FHIT: variants seen among roughly 807,000 people sequenced by gnomAD.
The protein encoded by FHIT is bis(5'-adenosyl)-triphosphatase.
Under a neutral mutation model 17.9 loss-of-function variants are expected in FHIT, and 19 were observed. That is an observed-to-expected ratio of 1.06 (90% CI 0.74 to 1.56). The LOEUF (loss-of-function observed/expected upper bound fraction) is 1.56, where lower values mean the gene tolerates loss of function less well. Among genes scored for constraint, FHIT ranks in the 40% most tolerant of loss-of-function variants. The pLI, the probability that FHIT is intolerant of heterozygous loss-of-function variation, is 0.00. For missense variants in FHIT, 248 were observed against 189.2 expected, an observed-to-expected ratio of 1.31 and a Z score of -1.82; for synonymous variants, 81 against 69.7, an observed-to-expected ratio of 1.16 and a Z score of -0.81.
chr3:60,787,039 G>A (rs983054253), intron 4 of FHIT, among the ~76,000 whole-genome samples: 3 of 150,978 alleles, frequency 2.0e-5, no homozygotes, highest in Admixed American at 6.6e-5. Context: ...TTGGCCAGGA[G>A]AAAGGGTGTC....
chr3:60,797,613 A>G (rs1701029919), intron 4 of FHIT, among the ~76,000 whole-genome samples: 1 of 151,236 alleles, frequency 6.6e-6, no homozygotes, highest in Non-Finnish European at 1.5e-5. Flanking sequence ...TAACTTAGGC[A>G]TATTTTGCAT....
intron 4 of FHIT, among the ~76,000 whole-genome samples, chr3:60,594,031 G>T (rs570459605): frequency 6.6e-6 from 1 of 152,112 alleles, no homozygotes; most frequent in African/African-American, 2.4e-5. Context: ...CCAGAGCTGC[G>T]TTGAGAACTA....
At chr3:60,649,683 TTAA>T (rs782655181) in intron 4 of FHIT, among the ~76,000 whole-genome samples, 1 of 152,188 alleles carries the variant, frequency 6.6e-6, no homozygotes, top group Non-Finnish European at 1.5e-5. Context: ...ATCCTGCATA[TTAA>T]TCAAGCTTAT....
intron 3 of FHIT, among the ~76,000 whole-genome samples, chr3:61,025,410 G>A (rs1370499877): frequency 1.3e-5 from 2 of 152,188 alleles, no homozygotes; most frequent in African/African-American, 2.4e-5. Context: ...CACGGGCAAT[G>A]TCTCCAAAGT....
At chr3:60,934,605 GTAC>G (rs1319400874) in intron 3 of FHIT, among the ~76,000 whole-genome samples, 11 of 152,290 alleles carry the variant, frequency 7.2e-5, no homozygotes, top group African/African-American at 2.6e-4. Context: ...ATTCTCAAAA[GTAC>G]TTTATGAGGT....
chr3:60,877,450 C>G (rs1004327879), intron 3 of FHIT, among the ~76,000 whole-genome samples: 3 of 152,194 alleles, frequency 2.0e-5, no homozygotes, highest in Non-Finnish European at 4.4e-5. Context: ...GGAAACAGTG[C>G]TTTGGCAGAA....
chr3:60,697,411 T>C (rs1314625335), intron 4 of FHIT, among the ~76,000 whole-genome samples: 6 of 152,302 alleles, frequency 3.9e-5, no homozygotes, highest in Middle Eastern at 3.4e-3. Flanking sequence ...ACATGTCATA[T>C]GCACTTTTCC....
chr3:60,278,595 T>C lies in FHIT; in HGVS notation c.103+258265A>G, dbSNP rs116875269. On this transcript the variant is annotated intron_variant, in intron 5 of 9. Coordinates refer to ENST00000492590, the MANE Select transcript of FHIT (RefSeq NM_002012.4). The stretch of plus-strand genomic sequence containing the variant: ...CAGACTCTATTGAATAAGGAGCTCT[T>C]AGGAAAGCCCAAAGACAACAGGGAA... Among the ~76,000 whole-genome samples, 64 of 152,102 alleles carry C rather than the reference T, an allele frequency of 4.2e-4. 1 individual carries two copies. The East Asian group carries it at 0.012, about 28-fold the overall frequency.
chr3:59,962,551 A>G (rs1707736371), intron 7 of FHIT, among the ~76,000 whole-genome samples: 1 of 152,176 alleles, frequency 6.6e-6, no homozygotes, highest in Admixed American at 6.5e-5. Context: ...ATAAATTATT[A>G]TTGTCCTAAG....
intron 4 of FHIT, among the ~76,000 whole-genome samples, chr3:60,758,396 T>C (rs782290642): frequency 6.6e-6 from 1 of 152,236 alleles, no homozygotes; most frequent in Non-Finnish European, 1.5e-5. Context: ...GGCTGACTGA[T>C]ACAGGAAGAG....
intron 5 of FHIT, among the ~76,000 whole-genome samples, chr3:60,307,579 C>T (rs1708735519): frequency 6.6e-6 from 1 of 152,122 alleles, no homozygotes; most frequent in South Asian, 2.1e-4. Flanking sequence ...CTACAAATAT[C>T]ATGGATCTGT....
At chr3:60,538,385 A>T (rs2036063624) in intron 4 of FHIT, among the ~76,000 whole-genome samples, 1 of 152,218 alleles carries the variant, frequency 6.6e-6, no homozygotes, top group African/African-American at 2.4e-5. Flanking sequence ...TATAGATTCA[A>T]TGCCATCCCC....
intron 2 of FHIT, among the ~76,000 whole-genome samples, chr3:61,059,700 A>G (rs940267299): frequency 1.3e-5 from 2 of 152,196 alleles, no homozygotes; most frequent in African/African-American, 4.8e-5. Context: ...CAGGCCATCA[A>G]GGGCAGGGAA....
intron 4 of FHIT, among the ~76,000 whole-genome samples, chr3:60,686,874 C>A (rs782449677): frequency 2.0e-5 from 3 of 152,176 alleles, no homozygotes; most frequent in Non-Finnish European, 4.4e-5. Flanking sequence ...AGAAATTTAA[C>A]CTATACTACT....
chr3:60,154,528 G>A (rs1313134618), intron 5 of FHIT, among the ~76,000 whole-genome samples: 4 of 152,112 alleles, frequency 2.6e-5, no homozygotes, highest in Admixed American at 1.3e-4. Flanking sequence ...GAGGTATATT[G>A]CCAACAAATC....
intron 5 of FHIT, among the ~76,000 whole-genome samples, chr3:60,303,175 T>C (rs953597293): frequency 6.6e-6 from 1 of 152,162 alleles, no homozygotes; most frequent in Non-Finnish European, 1.5e-5. Context: ...CAAATTGATA[T>C]GCAAGCCTGT....
intron 4 of FHIT, among the ~76,000 whole-genome samples, chr3:60,636,089 G>C (rs2077099): frequency 0.5 from 75,002 of 150,098 alleles, 18,802 homozygotes; most frequent in East Asian, 0.65. Flanking sequence ...TTTTGAGACA[G>C]AGTCTTGCTC....
chr3:60,282,167 C>G (rs2107649630), intron 5 of FHIT, among the ~76,000 whole-genome samples: 1 of 152,286 alleles, frequency 6.6e-6, no homozygotes, highest in Middle Eastern at 3.4e-3. Context: ...AGCATTTACT[C>G]AACTGAGTTG....
intron 3 of FHIT, among the ~76,000 whole-genome samples, chr3:60,884,892 C>G (rs1358038300): frequency 7.8e-6 from 1 of 128,896 alleles, no homozygotes; most frequent in African/African-American, 3.1e-5. Flanking sequence ...GCCTAGGTGA[C>G]AGACTGAGAC....
Sources: gnomAD v4.1 joint callset for allele counts (sites outside exome capture counted in the v4.1 genomes callset) on GRCh38, gnomAD v4.1.1 for gene constraint, MANE v1.5 for transcripts, NCBI Gene and HGNC (gene_info 2026-07-23, HGNC 2026-07-21) for gene names.